The following ZNF581 variants were observed in gnomAD, a reference collection of about 807,000 sequenced individuals.
The protein encoded by ZNF581 is zinc finger protein 581.
Under a neutral mutation model 1.2 loss-of-function variants are expected in ZNF581, and 1 was observed. That is an observed-to-expected ratio of 0.83 (90% CI 0.30 to 3.95). ZNF581 has a LOEUF of 3.95. ZNF581 is among the 30% of genes most tolerant of loss of function. The probability of loss-of-function intolerance (pLI) is 0.18; values close to 1 mark genes in which losing one functional copy is unlikely to be tolerated. For missense variants in ZNF581, 273 were observed against 274.6 expected (o/e 0.99, Z 0.04); for synonymous variants, 105 against 109.2 (o/e 0.96, Z 0.24).
At chr19:55,643,199 T>G (rs1982642695), upstream of ZNF581, 13 of 1,159,172 alleles carry the variant, frequency 1.1e-5, no homozygotes, top group Non-Finnish European at 1.4e-5. Flanking sequence ...CCTTACCCCC[T>G]TTCTAGCTGT....
upstream of ZNF581, chr19:55,642,758 G>A (rs1200707902): frequency 1.3e-6 from 2 of 1,539,734 alleles, no homozygotes; most frequent in Non-Finnish European, 8.7e-7. Flanking sequence ...GGCGCCCCCA[G>A]GAGAGCCCGG....
chr19:55,643,101 C>CCA (rs1237654600), upstream of ZNF581: 25 of 1,320,122 alleles, frequency 1.9e-5, no homozygotes, highest in Non-Finnish European at 2.1e-5. Context: ...TCACTCACTC[C>CCA]CACACACACC....
chr19:55,645,179 G>T lies in ZNF581; in HGVS notation c.*14G>T. 6.6e-7 allele frequency: 1 copy of T among 1,511,184 alleles called. No homozygotes were observed. The highest frequency in any genetic ancestry group is 8.9e-7 in the Non-Finnish European group (1 of 1,127,858). 93.6% of individuals were successfully genotyped at this position (1,511,184 alleles called of 1,614,324 possible). On this transcript the variant is annotated 3_prime_UTR_variant, in exon 2 of 2. Transcript: ENST00000270451. ...AAGCATCCATGAGCCGGGCTGCCGG[G>T]TGCCCCAGGTACCACAGGACTTTGC...
upstream of ZNF581, chr19:55,635,222 C>G (rs1982027519): frequency 6.6e-6 from 1 of 152,208 alleles, no homozygotes; most frequent in Admixed American, 6.6e-5. Flanking sequence ...GACCAGGGGA[C>G]GAGGTATAGG....
chr19:55,636,744 G>C (rs643368), upstream of ZNF581, among the ~76,000 whole-genome samples: 109,993 of 151,874 alleles, frequency 0.72, 40,449 homozygotes, highest in Middle Eastern at 0.84. Context: ...CAGGGCACCT[G>C]GAGCTACCAC....
chr19:55,635,813 G>A, intron 1 of ZNF581: 1 of 781,398 alleles, frequency 1.3e-6, no homozygotes, highest in East Asian at 1.3e-4. Context: ...ATTTTAAAAA[G>A]AGGAGCTGGT....
chr19:55,635,062 T>A (rs1450894952), upstream of ZNF581: 1 of 152,044 alleles, frequency 6.6e-6, no homozygotes, highest in African/African-American at 2.4e-5. Flanking sequence ...CCGGGCCGGA[T>A]TGCGGGGAGT....
upstream of ZNF581, among the ~76,000 whole-genome samples, chr19:55,638,429 A>G (rs1982224805): frequency 6.6e-6 from 1 of 152,054 alleles, no homozygotes; most frequent in South Asian, 2.1e-4. Flanking sequence ...AGTAGAGACC[A>G]GGTTACACCG....
chr19:55,643,282 G>A, upstream of ZNF581: 1 of 462,824 alleles, frequency 2.2e-6, no homozygotes, highest in Non-Finnish European at 3.7e-6. Flanking sequence ...GTCCAGCTGT[G>A]CTGTGTGAGC....
At chr19:55,638,037 A>C (rs909138087), upstream of ZNF581, among the ~76,000 whole-genome samples, 2 of 152,204 alleles carry the variant, frequency 1.3e-5, no homozygotes, top group African/African-American at 2.4e-5. Flanking sequence ...TCTATGAGTG[A>C]ATACCTGAGG....
upstream of ZNF581, among the ~76,000 whole-genome samples, chr19:55,638,199 G>A (rs1218411855): frequency 6.6e-6 from 1 of 152,128 alleles, no homozygotes; most frequent in African/African-American, 2.4e-5. Context: ...TCTCATGGTG[G>A]GGGGAAAAGA....
chr19:55,639,157 G>A (rs548072046), upstream of ZNF581, among the ~76,000 whole-genome samples: 28 of 152,130 alleles, frequency 1.8e-4, no homozygotes, highest in Non-Finnish European at 2.8e-4. Flanking sequence ...TAGAGGACAC[G>A]GGCAATGTGT....
upstream of ZNF581, chr19:55,640,820 C>A: frequency 1.0e-6 from 1 of 985,532 alleles, no homozygotes; most frequent in Non-Finnish European, 1.2e-6. Context: ...GATCTCTTGT[C>A]AAGCGGCGGA....
upstream of ZNF581, chr19:55,640,335 C>T: frequency 4.1e-6 from 4 of 985,150 alleles, no homozygotes; most frequent in Non-Finnish European, 4.8e-6. Context: ...GCGCAGCCCG[C>T]GAGCCCGCAT....
upstream of ZNF581, among the ~76,000 whole-genome samples, chr19:55,639,197 G>A (rs1372418860): frequency 6.6e-6 from 1 of 151,680 alleles, no homozygotes; most frequent in African/African-American, 2.4e-5. Context: ...ACAACTTGGG[G>A]TTGGGGGAGG....
upstream of ZNF581, among the ~76,000 whole-genome samples, chr19:55,637,229 A>G (rs180944547): frequency 2.6e-5 from 4 of 152,232 alleles, no homozygotes; most frequent in Admixed American, 2.6e-4. Context: ...TCACTTGGAA[A>G]TTGCCATAGG....
upstream of ZNF581, among the ~76,000 whole-genome samples, chr19:55,636,413 T>C (rs1238934954): frequency 2.0e-5 from 3 of 151,980 alleles, no homozygotes; most frequent in Non-Finnish European, 4.4e-5. Flanking sequence ...TTTGTCTAGA[T>C]GGTGTGGCTT....
upstream of ZNF581, chr19:55,643,042 C>T: frequency 1.5e-6 from 2 of 1,350,150 alleles, no homozygotes; most frequent in Non-Finnish European, 1.9e-6. Flanking sequence ...GAGACCCGGC[C>T]TGTGCTGCCC....
Position 55,644,419 on chromosome 19 carries a change from AC to A in ZNF581, c.-19-133del. 3.2e-6 allele frequency: 2 copies of A among 627,322 alleles called. No individual in the cohort carries two copies. The highest frequency in any genetic ancestry group is 5.5e-6 in the Non-Finnish European group (2 of 363,722). The allele number at this position is 627,322 out of a possible 1,614,324, so 38.9% of individuals were successfully genotyped here. ...GCCACAGACTCCAGCTGTGAGCGGGACTGGAAAAGAGGGACTGAGGGGCAGC... is the reference window on the plus strand; with the variant it reads ...GCCACAGACTCCAGCTGTGAGCGGGATGGAAAAGAGGGACTGAGGGGCAGC... On this transcript the variant is annotated intron_variant, in intron 1 of 1. Coordinates refer to ENST00000270451, the MANE Select transcript of ZNF581 (RefSeq NM_016535.4). This position sits in a 1 kb window ranked among gnomAD's most constrained non-coding sequence, Gnocchi z 4.3.
Sources: allele counts gnomAD v4.1 joint callset (sites outside exome capture counted in the v4.1 genomes callset), GRCh38; gene constraint gnomAD v4.1.1; non-coding constraint Gnocchi (gnomAD v3.1); transcripts MANE v1.5; gene names NCBI Gene and HGNC (gene_info 2026-07-23, HGNC 2026-07-21).